Variants in ARG2 observed in about 807,000 individuals in gnomAD.
The protein encoded by ARG2 is arginase-2, mitochondrial.
Under a neutral mutation model 39.4 loss-of-function variants are expected in ARG2, and 21 were observed. The ratio of observed to expected loss-of-function variants is 0.53; its 90% CI spans 0.38 to 0.77. The LOEUF is 0.77. Ranked by LOEUF, ARG2 falls within the 30% of genes least tolerant of loss-of-function variation. ARG2 has a pLI of 0.00. For missense variants in ARG2, 378 were observed against 426.2 expected (o/e 0.89, Z 1.00); for synonymous variants, 150 against 156.7 (o/e 0.96, Z 0.32).
chr14:67,621,496 C>A (rs1023367071), intron 2 of ARG2, among the ~76,000 whole-genome samples: 2 of 151,642 alleles, frequency 1.3e-5, no homozygotes, highest in African/African-American at 4.8e-5. Flanking sequence ...TATTCCATCA[C>A]CCAGGCTGGA....
chr14:67,645,850 G>C (rs531150856), intron 4 of ARG2, 48 bp downstream of exon 4: 1 of 1,599,784 alleles, frequency 6.3e-7, no homozygotes, highest in Non-Finnish European at 8.5e-7. Flanking sequence ...GCAGGGTTTT[G>C]CTGGAGTTGG....
chr14:67,638,726 T>C (rs1029479007), intron 2 of ARG2, among the ~76,000 whole-genome samples: 1 of 152,124 alleles, frequency 6.6e-6, no homozygotes, highest in Non-Finnish European at 1.5e-5. Context: ...ATAAATCCCT[T>C]TAGAGGAGGC....
At chr14:67,649,497 G>A (rs1231333388) in intron 7 of ARG2, 24 of 152,156 alleles carry the variant, frequency 1.6e-4, no homozygotes. Flanking sequence ...GCAATAGTCT[G>A]GAAACATAAG....
chr14:67,645,270 C>T (rs1260390660), intron 3 of ARG2, among the ~76,000 whole-genome samples: 1 of 151,918 alleles, frequency 6.6e-6, no homozygotes, highest in Non-Finnish European at 1.5e-5. Flanking sequence ...CACCTCAGTC[C>T]TCTGAGTAGC....
At chr14:67,642,808 T>C (rs1013369688) in intron 3 of ARG2, among the ~76,000 whole-genome samples, 3 of 127,948 alleles carry the variant, frequency 2.3e-5, no homozygotes, top group Admixed American at 7.9e-5. Context: ...TTTTTTTTTT[T>C]TTTTTTTTTT....
At chr14:67,649,511 T>A (rs951606072) in intron 7 of ARG2, 1 of 152,090 alleles carries the variant, frequency 6.6e-6, no homozygotes, top group African/African-American at 2.4e-5. Context: ...ACATAAGTCA[T>A]GTATATATTT....
intron 2 of ARG2, among the ~76,000 whole-genome samples, chr14:67,635,977 AG>A (rs1306861067): frequency 2.0e-5 from 3 of 152,194 alleles, no homozygotes; most frequent in African/African-American, 7.2e-5. Flanking sequence ...GCACCAAGTG[AG>A]GATGCAGAGT....
At chr14:67,641,721 G>A (rs1160871887) in intron 2 of ARG2, among the ~76,000 whole-genome samples, 4 of 152,154 alleles carry the variant, frequency 2.6e-5, no homozygotes, top group African/African-American at 9.7e-5. Context: ...GGGAGGATCA[G>A]TTGAGGTCAG....
Position 67,651,686 on chromosome 14 carries a change from CA to C in ARG2, c.*768del. Reference sequence around the variant, plus strand: ...ACCTCACAGAAATGTTAAACTGAGACAATAAAAACCAAAGCATAAAAATGGA... The same window carrying C: ...ACCTCACAGAAATGTTAAACTGAGACATAAAAACCAAAGCATAAAAATGGA... On this transcript the variant is annotated 3_prime_UTR_variant, in exon 8 of 8. Coordinates refer to ENST00000261783, the MANE Select transcript of ARG2 (RefSeq NM_001172.4). 2.4e-6 allele frequency: 1 copy of C among 420,962 alleles called. No individual in the cohort carries two copies. 26.1% of individuals were successfully genotyped at this position (420,962 alleles called of 1,614,324 possible).
intron 2 of ARG2, among the ~76,000 whole-genome samples, chr14:67,639,259 T>C (rs765715350): frequency 2.0e-5 from 3 of 152,216 alleles, no homozygotes; most frequent in African/African-American, 4.8e-5. Context: ...GTTTGCATGA[T>C]TGGACTTGGG....
chr14:67,625,747 A>AAG, intron 2 of ARG2, among the ~76,000 whole-genome samples: 2 of 150,590 alleles, frequency 1.3e-5, no homozygotes, highest in South Asian at 4.5e-4. Context: ...AAAAAAAAAA[A>AAG]AGAGAAAAGG....
At chr14:67,626,978 G>A (rs969541030) in intron 2 of ARG2, among the ~76,000 whole-genome samples, 73 of 152,106 alleles carry the variant, frequency 4.8e-4, no homozygotes, top group African/African-American at 1.7e-3. Context: ...AAGGCCACAT[G>A]TTATATGATT....
At chr14:67,642,478 G>A in intron 3 of ARG2, 115 bp downstream of exon 3, 1 of 1,229,636 alleles carries the variant, frequency 8.1e-7, no homozygotes, top group Non-Finnish European at 1.1e-6. Flanking sequence ...GAATTTTTAG[G>A]GTAGATATTA....
chr14:67,629,604 A>G (rs1286281571), intron 2 of ARG2, among the ~76,000 whole-genome samples: 1 of 149,392 alleles, frequency 6.7e-6, no homozygotes, highest in African/African-American at 2.4e-5. Context: ...GAGATGGATG[A>G]TGGTAGTGAT....
At chr14:67,631,038 G>T (rs983670912) in intron 2 of ARG2, among the ~76,000 whole-genome samples, 1 of 152,070 alleles carries the variant, frequency 6.6e-6, no homozygotes, top group Non-Finnish European at 1.5e-5. Context: ...GACAGTCCCT[G>T]CTCCAGCATT....
At chr14:67,637,658 G>C (rs368745862) in intron 2 of ARG2, among the ~76,000 whole-genome samples, 43 of 152,266 alleles carry the variant, frequency 2.8e-4, no homozygotes, top group South Asian at 2.1e-3. Context: ...GGCATTAGAG[G>C]AGAAAGCTCT....
chr14:67,642,793 C>CTTTTTTTTTTTTTTTTTTTTTTTTTTTT lies in ARG2; in HGVS notation c.362+457_362+458insTTTTTTTTTTTTTTTTTTTTTTTTTTTT. Among the ~76,000 whole-genome samples the CTTTTTTTTTTTTTTTTTTTTTTTTTTTT allele has an allele frequency of 2.6e-5, 2 of 75,518 alleles. 1 individual carries two copies. The highest frequency in any genetic ancestry group is 4.6e-5 in the Non-Finnish European group (2 of 43,452). 49.5% of individuals were successfully genotyped at this position (75,518 alleles called of 152,430 possible). A position where few individuals can be genotyped will look rare whatever the true frequency, so the allele number is the denominator to read the frequency against. On this transcript the variant is annotated intron_variant, in intron 3 of 7. Coordinates refer to ENST00000261783, the MANE Select transcript of ARG2 (RefSeq NM_001172.4). ...CCCCTTTGGCATGTTACTACATTTT[C>CTTTTTTTTTTTTTTTTTTTTTTTTTTTT]TTTTTTTTTTTTTTTTTTTTTTTTT...
Position 67,650,731 on chromosome 14 carries a change from G to A in ARG2, c.876G>A (p.Leu292=), listed in dbSNP as rs1360925540. ...TTCTTCCAGGGTTGCTATCAGCACT[G>A]GATCTTGTTGAAGTCAATCCTCAGT... is the stretch of plus-strand genomic sequence containing the variant. ...EIHNTGLLSA[L]DLVEVNPQLA... Residue 292 remains leucine (L), a synonymous_variant, in exon 8 of 8, where the codon CTG becomes CTA. Transcript: ENST00000261783. 7 of 1,613,996 alleles carry A rather than the reference G, an allele frequency of 4.3e-6. No individual in the cohort carries two copies. Among genetic ancestry groups the A allele is most frequent in the Non-Finnish European group, 5.1e-6 (6 of 1,180,014 alleles).
chr14:67,641,775 A>G (rs761701265), intron 2 of ARG2, among the ~76,000 whole-genome samples: 1 of 152,130 alleles, frequency 6.6e-6, no homozygotes, highest in Non-Finnish European at 1.5e-5. Context: ...CCCCATTTCT[A>G]CAAAAAGAAA....
Sources: allele counts gnomAD v4.1 joint callset (sites outside exome capture counted in the v4.1 genomes callset), GRCh38; gene constraint gnomAD v4.1.1; transcripts MANE v1.5; gene names NCBI Gene and HGNC (gene_info 2026-07-23, HGNC 2026-07-21).